The following KAZN variants were observed in gnomAD, a reference collection of about 807,000 sequenced individuals.
The protein encoded by KAZN is kazrin.
Under a neutral mutation model 87.4 loss-of-function variants are expected in KAZN, and 40 were observed. The ratio of observed to expected loss-of-function variants is 0.46; its 90% CI spans 0.36 to 0.60. KAZN has a LOEUF of 0.60. Ranked by LOEUF, KAZN falls within the 20% of genes least tolerant of loss-of-function variation. The pLI is 0.00. For synonymous variants in KAZN, 466 were observed against 458.3 expected, an observed-to-expected ratio of 1.02 and a Z score of -0.22; for missense variants, 898 against 1,073.9, an observed-to-expected ratio of 0.84 and a Z score of 2.29.
intron 1 of KAZN, among the ~76,000 whole-genome samples, chr1:13,919,402 T>C (rs1639978489): frequency 6.6e-6 from 1 of 152,246 alleles, no homozygotes; most frequent in African/African-American, 2.4e-5. Flanking sequence ...TTCATTACTA[T>C]ATAGTATTCT....
At chr1:14,963,697 T>G (rs182618850) in intron 2 of KAZN, among the ~76,000 whole-genome samples, 7 of 152,194 alleles carry the variant, frequency 4.6e-5, no homozygotes, top group African/African-American at 1.7e-4. Flanking sequence ...CATAGGTATA[T>G]GTGTGCCATG....
chr1:14,599,375 C>T lies in KAZN; in HGVS notation c.226+152C>T. ...TTCCGCCCGGCGGTGGCCACCGCTG[C>T]TCTCCGGCTGGGAGTTGCAGGCTGC... On this transcript the variant is annotated intron_variant, in intron 1 of 14. Transcript: ENST00000376030. This position sits in a 1 kb window ranked among gnomAD's most constrained non-coding sequence, Gnocchi z 4.4. 1.2e-6 allele frequency: 1 copy of T among 836,688 alleles called. No homozygotes were observed. Among genetic ancestry groups the T allele is most frequent in the Non-Finnish European group, 1.6e-6 (1 of 631,352 alleles). 51.8% of individuals were successfully genotyped at this position (836,688 alleles called of 1,614,324 possible).
upstream of KAZN, among the ~76,000 whole-genome samples, chr1:14,597,086 A>G (rs1034365199): frequency 3.9e-5 from 6 of 152,190 alleles, no homozygotes; most frequent in South Asian, 2.1e-4. Context: ...TGCTCTCCCC[A>G]TAACGTAACT....
intron 1 of KAZN, among the ~76,000 whole-genome samples, chr1:14,829,886 A>G (rs1254547501): frequency 2.0e-5 from 3 of 152,242 alleles, no homozygotes. Flanking sequence ...AGCCCTGTTC[A>G]GGGGCAGTCC....
At chr1:14,383,113 T>C (rs1257689193) in intron 2 of KAZN, among the ~76,000 whole-genome samples, 1 of 152,146 alleles carries the variant, frequency 6.6e-6, no homozygotes, top group Non-Finnish European at 1.5e-5. Flanking sequence ...TGCATAAATG[T>C]CTTCTTTTGA....
intron 2 of KAZN, chr1:14,351,089 G>A (rs1341398595): frequency 6.6e-6 from 1 of 152,226 alleles, no homozygotes; most frequent in Non-Finnish European, 1.5e-5. Flanking sequence ...CGCAGAGTGG[G>A]CTCCAGGTCC....
At chr1:14,405,064 G>T (rs1449626829) in intron 2 of KAZN, among the ~76,000 whole-genome samples, 1 of 152,106 alleles carries the variant, frequency 6.6e-6, no homozygotes, top group African/African-American at 2.4e-5. Flanking sequence ...GGGGGTAGGG[G>T]GATAGCAGTG....
At position 14,895,508 on chromosome 1, in the gene KAZN, G is replaced by A. The variant is rs534743355; in HGVS notation, c.227-65176G>A. ...CCCATCCCTCAGCAGCCTTCCCCTG[G>A]GATCACATCAGGGGTCTGGGAGTGA... On this transcript the variant is annotated intron_variant, in intron 1 of 14. Transcript: ENST00000376030. Among the ~76,000 whole-genome samples, 4 of 152,306 alleles carry A rather than the reference G, an allele frequency of 2.6e-5. No individual in the cohort carries two copies. In the South Asian group the frequency reaches 8.3e-4, roughly 32 times the overall value.
At chr1:14,730,523 T>C (rs1310009557) in intron 1 of KAZN, among the ~76,000 whole-genome samples, 7 of 152,244 alleles carry the variant, frequency 4.6e-5, no homozygotes, top group East Asian at 1.9e-4. Context: ...ATTTTACTGA[T>C]AGGGAAACAC....
chr1:14,413,258 A>G (rs1664450247), intron 2 of KAZN, among the ~76,000 whole-genome samples: 1 of 151,950 alleles, frequency 6.6e-6, no homozygotes, highest in African/African-American at 2.4e-5. Context: ...AAAATAATTA[A>G]ATTAGACCTT....
chr1:14,300,747 C>T (rs1047241038), intron 2 of KAZN, among the ~76,000 whole-genome samples: 1 of 152,182 alleles, frequency 6.6e-6, no homozygotes, highest in Admixed American at 6.5e-5. Context: ...GGCTCAGTCA[C>T]CAGATCTGGC....
chr1:14,380,283 A>G (rs1026486118), intron 2 of KAZN, among the ~76,000 whole-genome samples: 4 of 152,232 alleles, frequency 2.6e-5, no homozygotes, highest in African/African-American at 9.6e-5. Context: ...GAAGACTACA[A>G]TAAATACCTA....
intron 2 of KAZN, among the ~76,000 whole-genome samples, chr1:14,431,555 C>T (rs1418074725): frequency 2.6e-5 from 4 of 152,118 alleles, no homozygotes; most frequent in Admixed American, 6.5e-5. Context: ...ACATTTGAGT[C>T]GGTGGACTGG....
intron 1 of KAZN, among the ~76,000 whole-genome samples, chr1:14,642,336 G>T (rs1680469064): frequency 6.6e-6 from 1 of 152,236 alleles, no homozygotes; most frequent in South Asian, 2.1e-4. Flanking sequence ...GGAGGCGGAG[G>T]TTGCAGTGAG....
At chr1:14,590,411 C>A (rs879642336) in intron 2 of KAZN, among the ~76,000 whole-genome samples, 1 of 152,024 alleles carries the variant, frequency 6.6e-6, no homozygotes, top group Non-Finnish European at 1.5e-5. Context: ...ACTGCCTCAG[C>A]GAGTGCAGGG....
chr1:14,591,418 AACACACACAC>A (rs36060158), intron 2 of KAZN, among the ~76,000 whole-genome samples: 16 of 147,390 alleles, frequency 1.1e-4, no homozygotes, highest in African/African-American at 3.5e-4. Context: ...GGAAAGAAGA[AACACACACAC>A]ACACACACAC....
chr1:14,408,453 C>T (rs1664045564), intron 2 of KAZN, among the ~76,000 whole-genome samples: 1 of 152,162 alleles, frequency 6.6e-6, no homozygotes, highest in Non-Finnish European at 1.5e-5. Context: ...ATAACTAAAG[C>T]CACAGGCTGG....
intron 2 of KAZN, among the ~76,000 whole-genome samples, chr1:14,475,458 A>G (rs1188533804): frequency 6.6e-6 from 1 of 152,196 alleles, no homozygotes; most frequent in Admixed American, 6.5e-5. Context: ...CACCTCCCGT[A>G]TCTTGTGTAT....
intron 2 of KAZN, among the ~76,000 whole-genome samples, chr1:14,239,687 C>A (rs771202469): frequency 6.6e-6 from 1 of 151,690 alleles, no homozygotes; most frequent in Non-Finnish European, 1.5e-5. Context: ...CTCGAACTCC[C>A]GACCTCAGGT....
Sources: allele counts gnomAD v4.1 joint callset (sites outside exome capture counted in the v4.1 genomes callset), GRCh38; gene constraint gnomAD v4.1.1; non-coding constraint Gnocchi (gnomAD v3.1); transcripts MANE v1.5; gene names NCBI Gene and HGNC (gene_info 2026-07-23, HGNC 2026-07-21).